TNRC6C: variants seen among roughly 807,000 people sequenced by gnomAD.
The protein encoded by TNRC6C is trinucleotide repeat containing adaptor 6C.
In TNRC6C, 20 loss-of-function variants were observed where a neutral mutation model predicts 153.7. The ratio of observed to expected loss-of-function variants is 0.13; its 90% confidence interval spans 0.09 to 0.19. The LOEUF is 0.19. Among genes scored for constraint, TNRC6C ranks in the 10% least tolerant of loss-of-function variants. TNRC6C has a pLI of 1.00. For missense variants in TNRC6C, 1,987 were observed against 2,172.0 expected (o/e 0.91, Z 1.69); for synonymous variants, 811 against 841.4 (o/e 0.96, Z 0.63).
chr17:78,024,131 G>A (rs2071889288), intron 1 of TNRC6C, among the ~76,000 whole-genome samples: 1 of 152,100 alleles, frequency 6.6e-6, no homozygotes, highest in African/African-American at 2.4e-5. Flanking sequence ...ACCTTTTGAG[G>A]CAGATACATT....
intron 1 of TNRC6C, among the ~76,000 whole-genome samples, chr17:78,031,114 A>G (rs560910418): frequency 6.6e-6 from 1 of 152,214 alleles, no homozygotes; most frequent in African/African-American, 2.4e-5. Context: ...CTTAAAAAAA[A>G]AAAGAAAGAA....
upstream of TNRC6C, among the ~76,000 whole-genome samples, chr17:77,958,545 T>C (rs917952072): frequency 1.3e-5 from 2 of 151,744 alleles, no homozygotes; most frequent in African/African-American, 2.4e-5. Context: ...GGAGCTCAGG[T>C]GCAGAGTGCC....
intron 6 of TNRC6C, 54 bp downstream of exon 8, chr17:78,071,219 C>T: frequency 2.6e-6 from 4 of 1,518,748 alleles, no homozygotes; most frequent in Non-Finnish European, 3.6e-6. Context: ...AATGAAATGC[C>T]CTCATTGTTT....
At chr17:78,066,635 A>G (rs1381104670) in intron 4 of TNRC6C, 2 of 152,152 alleles carry the variant, frequency 1.3e-5, no homozygotes, top group Non-Finnish European at 2.9e-5. Flanking sequence ...TATTCTTCCA[A>G]GAAGTGAAAA....
chr17:78,102,581 C>T (rs371033415), intron 18 of TNRC6C, 37 bp downstream of exon 21: 451 of 1,571,918 alleles, frequency 2.9e-4, no homozygotes, highest in Non-Finnish European at 3.5e-4. Context: ...GAGCATGATC[C>T]AGGGAGGGTT....
intron 8 of TNRC6C, among the ~76,000 whole-genome samples, chr17:78,076,645 T>C (rs143651600): frequency 1.1e-3 from 165 of 152,328 alleles, no homozygotes; most frequent in Non-Finnish European, 2.0e-3. Context: ...GTTGTGATGT[T>C]AGATGACATA....
chr17:77,982,349 T>A (rs1308538074), intron 1 of TNRC6C, among the ~76,000 whole-genome samples: 1 of 152,060 alleles, frequency 6.6e-6, no homozygotes. Flanking sequence ...AAAAAAATAG[T>A]CACTCAGAAT....
chr17:78,053,429 AGACCAGCCT>A (rs1428229106), intron 3 of TNRC6C, among the ~76,000 whole-genome samples: 1 of 152,106 alleles, frequency 6.6e-6, no homozygotes, highest in Admixed American at 6.5e-5. Context: ...CAGGAGTTCG[AGACCAGCCT>A]GACCAACAAG....
chr17:78,102,607 A>G (rs184787762), intron 18 of TNRC6C, 63 bp downstream of exon 21: 28 of 1,504,354 alleles, frequency 1.9e-5, no homozygotes, highest in East Asian at 1.2e-4. Context: ...TTGGCCCCCA[A>G]TGCAGATGAG....
At chr17:77,971,556 C>A (rs1280850768) in intron 1 of TNRC6C, among the ~76,000 whole-genome samples, 1 of 152,120 alleles carries the variant, frequency 6.6e-6, no homozygotes, top group African/African-American at 2.4e-5. Flanking sequence ...GAACTGCACC[C>A]CTGTTCTTGC....
intron 2 of TNRC6C, among the ~76,000 whole-genome samples, chr17:78,036,625 G>C (rs1271274069): frequency 6.6e-6 from 1 of 152,120 alleles, no homozygotes. Context: ...GGCGAAATTA[G>C]AGAAGAGACT....
At chr17:78,086,824 G>A in intron 12 of TNRC6C, 29 bp from the exon 15 acceptor site, 2 of 1,607,042 alleles carry the variant, frequency 1.2e-6, no homozygotes, top group Non-Finnish European at 1.7e-6. Flanking sequence ...TTCCCACCTA[G>A]TTAACGCACC....
intron 11 of TNRC6C, among the ~76,000 whole-genome samples, chr17:78,086,202 C>G (rs936703007): frequency 1.3e-5 from 2 of 151,664 alleles, no homozygotes; most frequent in Admixed American, 6.6e-5. Context: ...TGGTGGCACA[C>G]GACTGCAATC....
chr17:78,038,467 AT>A (rs1209741820), intron 2 of TNRC6C, among the ~76,000 whole-genome samples: 1 of 151,922 alleles, frequency 6.6e-6, no homozygotes, highest in African/African-American at 2.4e-5. Context: ...AGTTCAGGAG[AT>A]TGAGACCATC....
At chr17:78,028,746 A>G (rs2071997722) in intron 1 of TNRC6C, among the ~76,000 whole-genome samples, 1 of 152,260 alleles carries the variant, frequency 6.6e-6, no homozygotes, top group Non-Finnish European at 1.5e-5. Flanking sequence ...CATAAAAGGT[A>G]TGTACAGAAC....
chr17:78,074,492 A>G (rs2073051377), intron 7 of TNRC6C, among the ~76,000 whole-genome samples: 1 of 152,358 alleles, frequency 6.6e-6, no homozygotes, highest in South Asian at 2.1e-4. Flanking sequence ...GGCGGGACAG[A>G]GCAGCGTGTG....
chr17:78,024,380 T>G lies in TNRC6C; in HGVS notation c.-545-7136T>G, dbSNP rs190873593. Among the ~76,000 whole-genome samples the G allele has an allele frequency of 4.7e-4, 71 of 152,266 alleles. 1 individual carries two copies. The highest frequency in any genetic ancestry group is 4.0e-3 in the East Asian group (21 of 5,188). Reference sequence around the variant, plus strand: ...GGTTTTTTTGTTTGTTTGTTTGTTTTTTTGGAGATGGAGTCTCTCTCTGTC... The same window carrying G: ...GGTTTTTTTGTTTGTTTGTTTGTTTGTTTGGAGATGGAGTCTCTCTCTGTC... On this transcript the variant is annotated intron_variant, in intron 1 of 19. Coordinates refer to ENST00000301624, the Ensembl canonical transcript of TNRC6C.
intron 3 of TNRC6C, among the ~76,000 whole-genome samples, chr17:78,057,493 C>A (rs1451713595): frequency 6.6e-6 from 1 of 152,246 alleles, no homozygotes; most frequent in East Asian, 1.9e-4. Context: ...GCCCTCCTCT[C>A]TGGGGACTGT....
Position 78,065,036 on chromosome 17 carries a change from A to G in TNRC6C, c.2611+99A>G. On this transcript the variant is annotated intron_variant, in intron 4 of 19. Transcript: ENST00000301624. ...AGTTTTAGGATACTTTCCTCATTAT[A>G]TTTACACTTTAACTACAAACCAAGA... The G allele has an allele frequency of 2.2e-6, 3 of 1,344,998 alleles. No homozygotes were observed. The South Asian group carries it at 4.0e-5, about 18-fold the overall frequency. The allele number at this position is 1,344,998 out of a possible 1,614,324, so 83.3% of individuals were successfully genotyped here.
Sources: allele counts gnomAD v4.1 joint callset (sites outside exome capture counted in the v4.1 genomes callset), GRCh38; gene constraint gnomAD v4.1.1; transcripts MANE v1.5; gene names NCBI Gene and HGNC (gene_info 2026-07-23, HGNC 2026-07-21).